PLEKHG7: variants seen among roughly 807,000 people sequenced by gnomAD.
The protein encoded by PLEKHG7 is pleckstrin homology and RhoGEF domain containing G7.
Under a neutral mutation model 85.2 loss-of-function variants are expected in PLEKHG7, and 77 were observed. The observed-to-expected ratio is 0.90, with a 90% CI of 0.75 to 1.09. The LOEUF (loss-of-function observed/expected upper bound fraction) is 1.09, where lower values mean the gene tolerates loss of function less well. Among genes scored for constraint, PLEKHG7 ranks in the 50% least tolerant of loss-of-function variants. The pLI is 0.00. For synonymous variants in PLEKHG7, 301 were observed against 302.4 expected, an observed-to-expected ratio of 1.00 and a Z score of 0.05; for missense variants, 777 against 804.3, an observed-to-expected ratio of 0.97 and a Z score of 0.41.
At chr12:92,721,147 C>T (rs1871629117) in intron 3 of PLEKHG7, among the ~76,000 whole-genome samples, 1 of 152,190 alleles carries the variant, frequency 6.6e-6, no homozygotes, top group Non-Finnish European at 1.5e-5. Context: ...AGAATCAGTT[C>T]TCAGTAAACG....
At chr12:92,728,880 C>G (rs1405867293) in intron 3 of PLEKHG7, 113 bp from the exon 4 acceptor site, 1 of 846,046 alleles carries the variant, frequency 1.2e-6, no homozygotes, top group Non-Finnish European at 1.6e-6. Flanking sequence ...ATAAGCATCC[C>G]TTTCTCCACA....
At position 92,732,195 on chromosome 12, in the gene PLEKHG7, A is replaced by G. The variant is rs558918519; in HGVS notation, c.659-38A>G. On this transcript the variant is annotated intron_variant, in intron 4 of 16. Coordinates refer to ENST00000344636, the MANE Select transcript of PLEKHG7 (RefSeq NM_001377329.1). ...CGATGATCTGTCGCTAGTTACTCTA[A>G]GTACTCGTAATAATATATTGTCTTT... 25 of 1,195,630 alleles carry G rather than the reference A, an allele frequency of 2.1e-5. No individual in the cohort carries two copies. The South Asian group carries it at 8.9e-4, about 43-fold the overall frequency. The allele number at this position is 1,195,630 out of a possible 1,614,324, so 74.1% of individuals were successfully genotyped here. A position where few individuals can be genotyped will look rare whatever the true frequency, so the allele number is the denominator to read the frequency against.
chr12:92,729,805 T>C (rs1453551797), intron 4 of PLEKHG7, among the ~76,000 whole-genome samples: 2 of 152,166 alleles, frequency 1.3e-5, no homozygotes. Context: ...GGAAATCCAA[T>C]GTATAAAACA....
At chr12:92,742,385 G>A (rs1485213877) in intron 9 of PLEKHG7, among the ~76,000 whole-genome samples, 1 of 152,092 alleles carries the variant, frequency 6.6e-6, no homozygotes, top group East Asian at 1.9e-4. Context: ...TAAATATAAT[G>A]AGTGTCCAAC....
rs1871906805 is a variant in PLEKHG7, at chr12:92,729,073, A to C, written c.611A>C (p.Asp204Ala). ...TTCCCCGGGGACCTTCTGGTGTCAG[A>C]TGGAGCTGCTGATTACCTATGCCAT... is the stretch of plus-strand genomic sequence containing the variant. ...EVFPGDLLVSDGAADYLCHPL... is the reference protein window; with the variant it reads ...EVFPGDLLVSAGAADYLCHPL... The change falls in exon 4 of 17, where the codon GAT (aspartate) becomes GCT (alanine). Residue 204 changes from aspartate to alanine, a missense_variant. Physicochemically the swap from Asp to Ala is moderately radical, Grantham distance 126. Transcript: ENST00000344636. 1 of 1,231,702 alleles carries C rather than the reference A, an allele frequency of 8.1e-7. No homozygotes were observed. The highest frequency in any genetic ancestry group is 1.6e-5 in the African/African-American group (1 of 64,342). 76.3% of individuals were successfully genotyped at this position (1,231,702 alleles called of 1,614,324 possible).
At chr12:92,745,701 T>A in intron 10 of PLEKHG7, 110 bp downstream of exon 10, 1 of 715,008 alleles carries the variant, frequency 1.4e-6, no homozygotes, top group Non-Finnish European at 2.4e-6. Flanking sequence ...AACAAAATGA[T>A]CAATAATATG....
At chr12:92,735,658 C>T (rs1872124404) in intron 5 of PLEKHG7, among the ~76,000 whole-genome samples, 1 of 152,160 alleles carries the variant, frequency 6.6e-6, no homozygotes, top group African/African-American at 2.4e-5. Flanking sequence ...TTTAAGTGGG[C>T]AATTCATGAT....
intron 14 of PLEKHG7, among the ~76,000 whole-genome samples, chr12:92,762,643 CT>C (rs1873073705): frequency 6.6e-6 from 1 of 152,144 alleles, no homozygotes; most frequent in Non-Finnish European, 1.5e-5. Flanking sequence ...AGAAGTTTAT[CT>C]AAGGCTCCCA....
At position 92,745,568 on chromosome 12, in the gene PLEKHG7, G is replaced by A; in HGVS notation, c.1228G>A (p.Asp410Asn). The A allele has an allele frequency of 6.2e-7, 1 of 1,613,146 alleles. No individual in the cohort carries two copies. Among genetic ancestry groups the A allele is most frequent in the Middle Eastern group, 1.7e-4 (1 of 6,042 alleles). The change falls in exon 10 of 17, where the codon GAT (aspartate) becomes AAT (asparagine). Residue 410 changes from aspartate to asparagine, a missense_variant. Asp to Asn is a conservative substitution (Grantham distance 23). Coordinates refer to ENST00000344636, the MANE Select transcript of PLEKHG7 (RefSeq NM_001377329.1). ...IFYLESLRQR[D>N]DFGIYLKWCE... ...TTATCTTGAGAGCCTGAGGCAGAGA[G>A]ATGACTTTGGAATTTATTTAAAAGT...
At chr12:92,714,801 T>C (rs1463019582) in intron 3 of PLEKHG7, among the ~76,000 whole-genome samples, 1 of 152,214 alleles carries the variant, frequency 6.6e-6, no homozygotes, top group Non-Finnish European at 1.5e-5. Flanking sequence ...TTATGTTGCA[T>C]AACTCTCCAA....
chr12:92,758,821 A>G (rs1872907614), intron 13 of PLEKHG7, among the ~76,000 whole-genome samples: 1 of 152,214 alleles, frequency 6.6e-6, no homozygotes. Context: ...AGAGTTGAGC[A>G]TCGAGATTTG....
At chr12:92,721,618 T>C in intron 3 of PLEKHG7, 1 of 986,306 alleles carries the variant, frequency 1.0e-6, no homozygotes, top group South Asian at 5.0e-5. Context: ...AGCTGCAAAG[T>C]CTGGGTCAGA....
chr12:92,745,055 C>T (rs1361688130), intron 9 of PLEKHG7, among the ~76,000 whole-genome samples: 1 of 152,180 alleles, frequency 6.6e-6, no homozygotes, highest in African/African-American at 2.4e-5. Flanking sequence ...AGTTAAGTGT[C>T]CTTACTTTAA....
chr12:92,766,249 A>G (rs1873193975), intron 15 of PLEKHG7, among the ~76,000 whole-genome samples: 1 of 152,196 alleles, frequency 6.6e-6, no homozygotes, highest in African/African-American at 2.4e-5. Flanking sequence ...ATCATAGTAG[A>G]GGGCATCCTG....
At chr12:92,737,948 G>C (rs1872226431) in intron 7 of PLEKHG7, among the ~76,000 whole-genome samples, 1 of 152,178 alleles carries the variant, frequency 6.6e-6, no homozygotes, top group African/African-American at 2.4e-5. Flanking sequence ...GATGTTGAAT[G>C]AATCTCTTCT....
chr12:92,770,339 G>A lies in PLEKHG7; in HGVS notation c.*144G>A. On this transcript the variant is annotated 3_prime_UTR_variant, in exon 17 of 17. Coordinates refer to ENST00000344636, the MANE Select transcript of PLEKHG7 (RefSeq NM_001377329.1). ...TTTCAGAATTTGAAATTTTGAGCTAGGAAAATCCTCAGTATAGAGGAATAA... is the reference window on the plus strand; with the variant it reads ...TTTCAGAATTTGAAATTTTGAGCTAAGAAAATCCTCAGTATAGAGGAATAA... 3.0e-6 allele frequency: 2 copies of A among 663,274 alleles called. No homozygotes were observed. The highest frequency in any genetic ancestry group is 3.3e-5 in the Admixed American group (1 of 30,050). 41.1% of individuals were successfully genotyped at this position (663,274 alleles called of 1,614,324 possible).
intron 11 of PLEKHG7, 51 bp downstream of exon 11, chr12:92,754,315 T>A (rs938223463): frequency 6.4e-7 from 1 of 1,561,964 alleles, no homozygotes; most frequent in Non-Finnish European, 8.8e-7. Flanking sequence ...GCCTTGTGAC[T>A]CCTGGAAACC....
At chr12:92,737,844 T>C (rs1872222185) in intron 7 of PLEKHG7, among the ~76,000 whole-genome samples, 1 of 151,814 alleles carries the variant, frequency 6.6e-6, no homozygotes, top group Admixed American at 6.6e-5. Flanking sequence ...AATTTTTATT[T>C]GTCATTTATT....
chr12:92,707,848 T>A, intron 3 of PLEKHG7, 176 bp downstream of exon 3: 1 of 1,051,816 alleles, frequency 9.5e-7, no homozygotes. Context: ...TTCAAGAGTC[T>A]CCCTTTAAGA....
Sources: allele counts gnomAD v4.1 joint callset (sites outside exome capture counted in the v4.1 genomes callset), GRCh38; gene constraint gnomAD v4.1.1; transcripts MANE v1.5; gene names NCBI Gene and HGNC (gene_info 2026-07-23, HGNC 2026-07-21).